Variants in DYNC2I2 observed in about 807,000 individuals in gnomAD.
DYNC2I2 encodes the protein cytoplasmic dynein 2 intermediate chain 2.
Under a neutral mutation model 52.0 loss-of-function variants are expected in DYNC2I2, and 39 were observed. The ratio of observed to expected loss-of-function variants is 0.75; its 90% confidence interval spans 0.58 to 0.98. The LOEUF is 0.98. Ranked by LOEUF, DYNC2I2 falls within the 50% of genes least tolerant of loss-of-function variation. The pLI is 0.00. For synonymous variants in DYNC2I2, 359 were observed against 321.1 expected (o/e 1.12, Z -1.26); for missense variants, 743 against 728.4 (o/e 1.02, Z -0.23).
chr9:128,636,313 G>T lies in DYNC2I2; in HGVS notation c.671C>A (p.Ala224Asp). Residue 224 changes from alanine to aspartate, a missense_variant, in exon 4 of 9, where the codon GCC becomes GAC. Physicochemically the swap from Ala to Asp is moderately radical, Grantham distance 126 (BLOSUM62 -2). Coordinates refer to ENST00000372715, the MANE Select transcript of DYNC2I2 (RefSeq NM_052844.4). ...GTGGGAGGGCTGCGTGGGGTGGAAG[G>T]CCAGACACAGGACAGCGCTGGGGAC... ...VEVPSAVLCL[A>D]FHPTQPSHVA... 1 of 1,588,422 alleles carries T rather than the reference G, an allele frequency of 6.3e-7. No individual in the cohort carries two copies. Among genetic ancestry groups the T allele is most frequent in the East Asian group, 2.3e-5 (1 of 43,582 alleles).
At chr9:128,668,242 AGCC>A in the DYNC2I2 span, among the ~76,000 whole-genome samples, 1 of 134,680 alleles carries the variant, frequency 7.4e-6, no homozygotes, top group Non-Finnish European at 1.7e-5. Context: ...TACAGGCGTG[AGCC>A]ACCACGCCCG....
Position 128,636,384 on chromosome 9 carries a change from C to A in DYNC2I2, c.600G>T (p.Leu200=), listed in dbSNP as rs774089075. 2.5e-6 allele frequency: 4 copies of A among 1,610,642 alleles called. No homozygotes were observed. The South Asian group carries it at 4.4e-5, about 18-fold the overall frequency. Residue 200 remains leucine, a synonymous_variant, in exon 4 of 9, where the codon CTG becomes CTT. Transcript: ENST00000372715. Reference sequence around the variant, plus strand: ...GCTGGGGACGCAGGTCTCGCCGGTCCAGGTTCCAGGCACACACGAAGGACT... The same window carrying A: ...GCTGGGGACGCAGGTCTCGCCGGTCAAGGTTCCAGGCACACACGAAGGACT... ...TLKSFVCAWN[L]DRRDLRPQQP... is the part of the protein sequence containing the mutation.
chr9:128,675,332 C>G, the DYNC2I2 span, among the ~76,000 whole-genome samples: 9 of 152,190 alleles, frequency 5.9e-5, no homozygotes, highest in East Asian at 1.7e-3. Context: ...CATGCACCAC[C>G]ATGCCCAGCC....
intron 5 of DYNC2I2, 146 bp downstream of exon 5, chr9:128,635,512 G>C (rs1021081382): frequency 4.8e-6 from 4 of 830,354 alleles, no homozygotes; most frequent in Non-Finnish European, 7.6e-6. Flanking sequence ...TGGCTCCTGA[G>C]GGGGGTGACT....
intron 1 of DYNC2I2, among the ~76,000 whole-genome samples, chr9:128,642,452 T>C (rs1860532571): frequency 2.3e-5 from 1 of 44,072 alleles, no homozygotes; most frequent in South Asian, 9.5e-4. Flanking sequence ...GGAGACTTTC[T>C]CAAAAAAAAA....
upstream of DYNC2I2, among the ~76,000 whole-genome samples, chr9:128,657,354 G>A (rs1272666903): frequency 6.6e-6 from 1 of 152,036 alleles, no homozygotes; most frequent in Admixed American, 6.6e-5. Context: ...TGTGTGTCAG[G>A]CAAAGAGCCC....
intron 1 of DYNC2I2, among the ~76,000 whole-genome samples, chr9:128,642,453 CAA>C (rs34018869): frequency 0.68 from 53,847 of 78,846 alleles, 17,777 homozygotes; most frequent in Middle Eastern, 0.8. Flanking sequence ...GAGACTTTCT[CAA>C]AAAAAAAAAA....
At chr9:128,656,412 G>A in intron 1 of DYNC2I2, 129 bp downstream of exon 1, 2 of 679,122 alleles carry the variant, frequency 2.9e-6, no homozygotes, top group Non-Finnish European at 3.8e-6. Flanking sequence ...GCCCGAACCC[G>A]CCCGGCAGCC....
At chr9:128,681,354 G>T in the DYNC2I2 span, among the ~76,000 whole-genome samples, 1 of 152,218 alleles carries the variant, frequency 6.6e-6, no homozygotes, top group Non-Finnish European at 1.5e-5. Context: ...GCCTCCCAAA[G>T]TGCTGGGATT....
chr9:128,670,995 A>T, the DYNC2I2 span, among the ~76,000 whole-genome samples: 1 of 148,630 alleles, frequency 6.7e-6, no homozygotes, highest in African/African-American at 2.5e-5. Flanking sequence ...TGAACCTGGG[A>T]GGCAGAAGTT....
At chr9:128,660,379 G>T (rs1860904651), upstream of DYNC2I2, among the ~76,000 whole-genome samples, 2 of 151,862 alleles carry the variant, frequency 1.3e-5, no homozygotes, top group Non-Finnish European at 2.9e-5. Flanking sequence ...CAAAGTGCTG[G>T]GATTACAGGC....
chr9:128,650,791 C>A lies in DYNC2I2; in HGVS notation c.186+5750G>T, dbSNP rs1156906431. On this transcript the variant is annotated intron_variant, in intron 1 of 8. Coordinates refer to ENST00000372715, the MANE Select transcript of DYNC2I2 (RefSeq NM_052844.4). ...CCTCAGGTGATCCACCCACCTCAGCCTCCCAAAGTGCTGGAATTACAGGCG... is the reference window on the plus strand; with the variant it reads ...CCTCAGGTGATCCACCCACCTCAGCATCCCAAAGTGCTGGAATTACAGGCG... Among the ~76,000 whole-genome samples the A allele has an allele frequency of 1.4e-4, 8 of 56,604 alleles. 1 individual carries two copies. Among genetic ancestry groups the A allele is most frequent in the African/African-American group, 2.8e-4 (8 of 28,220 alleles). The allele number at this position is 56,604 out of a possible 152,430, so 37.1% of individuals were successfully genotyped here. A position where few individuals can be genotyped will look rare whatever the true frequency, so the allele number is the denominator to read the frequency against.
chr9:128,667,727 G>A, the DYNC2I2 span, among the ~76,000 whole-genome samples: 2 of 149,314 alleles, frequency 1.3e-5, no homozygotes, highest in Admixed American at 6.7e-5. Context: ...TCGCCACCAC[G>A]CCCAGCTAAT....
rs35665347 is a variant in DYNC2I2, at chr9:128,633,918, G to T, written c.1437C>A (p.Thr479=). The T allele has an allele frequency of 1.2e-6, 2 of 1,613,106 alleles. No individual in the cohort carries two copies. Among genetic ancestry groups the T allele is most frequent in the South Asian group, 2.2e-5 (2 of 91,088 alleles). The change falls in exon 9 of 9, where the codon ACC becomes ACA. Residue 479 remains threonine, a synonymous_variant. Coordinates refer to ENST00000372715, the MANE Select transcript of DYNC2I2 (RefSeq NM_052844.4). ...GACAGTAGACAGGGCTTTCATCCTGGGTTTGCTTGATCAAAACTGTGGGTT... is the reference window on the plus strand; with the variant it reads ...GACAGTAGACAGGGCTTTCATCCTGTGTTTGCTTGATCAAAACTGTGGGTT... ...SQKPTVLIKQ[T]QDESPVYCLE...
chr9:128,658,781 T>G (rs1860885281), upstream of DYNC2I2, among the ~76,000 whole-genome samples: 2 of 138,014 alleles, frequency 1.4e-5, 1 homozygote, highest in South Asian at 4.5e-4. Context: ...GCTGGAGTAG[T>G]GGTATGATCA....
At chr9:128,675,624 G>C in the DYNC2I2 span, among the ~76,000 whole-genome samples, 8 of 152,274 alleles carry the variant, frequency 5.3e-5, no homozygotes, top group Admixed American at 1.3e-4. Context: ...ATAAATGGTA[G>C]CTATCTACAG....
chr9:128,661,243 G>A (rs1473637860), upstream of DYNC2I2, among the ~76,000 whole-genome samples: 5 of 146,674 alleles, frequency 3.4e-5, no homozygotes, highest in African/African-American at 1.0e-4. Context: ...TCCGGAGACC[G>A]AGGCAGGAGA....
chr9:128,637,918 G>T (rs945454378), intron 2 of DYNC2I2, among the ~76,000 whole-genome samples: 1 of 152,112 alleles, frequency 6.6e-6, no homozygotes, highest in Non-Finnish European at 1.5e-5. Context: ...CAGATCTGTT[G>T]ACCTCATGAT....
Position 128,636,949 on chromosome 9 carries a change from T to C in DYNC2I2, c.514A>G (p.Thr172Ala), listed in dbSNP as rs780468274. 6.2e-7 allele frequency: 1 copy of C among 1,613,112 alleles called. No homozygotes were observed. Among genetic ancestry groups the C allele is most frequent in the South Asian group, 1.1e-5 (1 of 91,060 alleles). ...LHVTSISWNS[T>A]GSVVACAYGR... ...TAGGCACAGGCCACCACAGAGCCAGTGGAGTTCCAGGAGATGCTGGTCACA... is the reference window on the plus strand; with the variant it reads ...TAGGCACAGGCCACCACAGAGCCAGCGGAGTTCCAGGAGATGCTGGTCACA... The change falls in exon 3 of 9, where the codon ACT becomes GCT. Residue 172 changes from threonine to alanine, a missense_variant. Thr to Ala is a moderately conservative substitution (Grantham distance 58). Transcript: ENST00000372715.
Sources: gnomAD v4.1 joint callset for allele counts (sites outside exome capture counted in the v4.1 genomes callset) on GRCh38, gnomAD v4.1.1 for gene constraint, MANE v1.5 for transcripts, NCBI Gene and HGNC (gene_info 2026-07-23, HGNC 2026-07-21) for gene names.